MYBPC1: variants seen among roughly 807,000 people sequenced by gnomAD.
MYBPC1 encodes the protein myosin binding protein C1, also known as myosin-binding protein C, slow-type.
MYBPC1 carries 52 observed loss-of-function variants against 147.1 expected under a neutral mutation model. The ratio of observed to expected loss-of-function variants is 0.35; its 90% CI spans 0.28 to 0.45. MYBPC1 has a LOEUF of 0.45. Among genes scored for constraint, MYBPC1 ranks in the 20% least tolerant of loss-of-function variants. The pLI is 1.00. For synonymous variants in MYBPC1, 477 were observed against 475.9 expected (o/e 1.00, Z -0.03); for missense variants, 1,228 against 1,440.3 (o/e 0.85, Z 2.39).
chr12:101,620,910 T>A (rs1050843272), intron 3 of MYBPC1, among the ~76,000 whole-genome samples: 12 of 152,192 alleles, frequency 7.9e-5, no homozygotes, highest in Admixed American at 1.3e-4. Context: ...TTCCCAGGCA[T>A]TCACCACATA....
At chr12:101,604,649 A>G (rs1469903150) in intron 1 of MYBPC1, among the ~76,000 whole-genome samples, 2 of 152,224 alleles carry the variant, frequency 1.3e-5, no homozygotes, top group African/African-American at 2.4e-5. Flanking sequence ...GATATCAGTT[A>G]TTAGTAGCAT....
rs558077641 is a variant in MYBPC1, at chr12:101,642,430, A to C, written c.677A>C (p.Gln226Pro). Residue 226 changes from glutamine (Q) to proline (P), a missense_variant, in exon 11 of 32, where the codon CAG becomes CCG. Around this residue, in one of 2 missense-constraint regions of MYBPC1, gnomAD observed 1,077 missense variants for 1,314.2 expected, o/e 0.82. Coordinates refer to ENST00000361466, the MANE Select transcript of MYBPC1 (RefSeq NM_002465.4). ...SGLLKRREVK[Q>P]QEEEPQVDVW... ...TTCTCCCCGGTTAGGGAGGTGAAGC[A>C]GCAGGAGGAAGAACCCCAGGTGGAC... 2.5e-6 allele frequency: 4 copies of C among 1,614,166 alleles called. No individual in the cohort carries two copies. The East Asian group carries it at 8.9e-5, about 36-fold the overall frequency.
chr12:101,636,282 A>G (rs999675234), intron 9 of MYBPC1, among the ~76,000 whole-genome samples: 2 of 151,930 alleles, frequency 1.3e-5, no homozygotes, highest in Non-Finnish European at 2.9e-5. Context: ...TCTTACATGA[A>G]TAACAGAGAT....
In MYBPC1 at chr12:101,632,009, A is replaced by T. The variant is rs1473255478; in HGVS notation, c.439-12A>T. The T allele has an allele frequency of 6.3e-7, 1 of 1,587,376 alleles. No homozygotes were observed. Among genetic ancestry groups the T allele is most frequent in the Non-Finnish European group, 8.7e-7 (1 of 1,155,632 alleles). On this transcript the variant is annotated splice_polypyrimidine_tract_variant and intron_variant, in intron 7 of 31. Transcript: ENST00000361466. ...AACTGAAATGTGTGTGTCTGGATGC[A>T]TTTCATTGCAGGTGTACACATTTGA...
chr12:101,670,442 A>G, intron 24 of MYBPC1, 33 bp downstream of exon 24: 1 of 1,557,468 alleles, frequency 6.4e-7, no homozygotes, highest in Non-Finnish European at 8.9e-7. Context: ...TTTTCTCTTT[A>G]GAGGGCTGGA....
At chr12:101,597,004 G>T (rs1010966913) in intron 1 of MYBPC1, among the ~76,000 whole-genome samples, 10 of 152,204 alleles carry the variant, frequency 6.6e-5, no homozygotes, top group African/African-American at 2.2e-4. Flanking sequence ...GATTTTTTTG[G>T]TTCCCTTACC....
At chr12:101,615,923 C>T (rs901870756) in intron 2 of MYBPC1, among the ~76,000 whole-genome samples, 2 of 151,828 alleles carry the variant, frequency 1.3e-5, no homozygotes, top group African/African-American at 4.8e-5. Context: ...TTTCTTGAGA[C>T]AGGGTCTTGC....
chr12:101,690,029 G>A (rs140978608), downstream of MYBPC1, among the ~76,000 whole-genome samples: 18 of 152,322 alleles, frequency 1.2e-4, no homozygotes, highest in African/African-American at 3.8e-4. Context: ...ACAAAAATTA[G>A]CCAGGCGTGG....
chr12:101,595,869 C>A (rs1008774613), intron 1 of MYBPC1, among the ~76,000 whole-genome samples: 2 of 151,666 alleles, frequency 1.3e-5, no homozygotes, highest in African/African-American at 4.8e-5. Context: ...ATTAAAGCTA[C>A]CAATTGGTAA....
rs760354286 is a variant in MYBPC1, at chr12:101,651,295, C to T, written c.1428C>T (p.Cys476=). The T allele has an allele frequency of 6.2e-6, 10 of 1,613,970 alleles. No homozygotes were observed. The highest frequency in any genetic ancestry group is 8.5e-6 in the Non-Finnish European group (10 of 1,179,960). ...DQTVNLGKEI[C]LKCEISENIP... is the part of the protein sequence containing the mutation. ...CTGTAAATCTTGGAAAAGAAATCTG[C>T]CTGAAGTGTGAAATCTCTGAAAACA... Residue 476 remains cysteine (C), a synonymous_variant, in exon 16 of 32, where the codon TGC becomes TGT. Transcript: ENST00000361466.
At chr12:101,605,014 T>C (rs1881586330) in intron 1 of MYBPC1, among the ~76,000 whole-genome samples, 1 of 152,170 alleles carries the variant, frequency 6.6e-6, no homozygotes, top group South Asian at 2.1e-4. Flanking sequence ...CTTTCCCAAG[T>C]CCCAGGCCCT....
intron 2 of MYBPC1, 33 bp from the exon 3 acceptor site, chr12:101,617,169 A>C (rs1010548868): frequency 1.6e-5 from 25 of 1,612,430 alleles, no homozygotes; most frequent in Non-Finnish European, 1.8e-5. Context: ...GCTTTAAGGC[A>C]CTTTAAAAAA....
intron 22 of MYBPC1, 95 bp from the exon 23 acceptor site, chr12:101,667,637 T>A (rs1012062831): frequency 2.6e-5 from 37 of 1,406,762 alleles, no homozygotes; most frequent in Non-Finnish European, 3.6e-5. Context: ...TTATTATGAG[T>A]AAAATACTAA....
At chr12:101,694,844 T>G in the MYBPC1 span, among the ~76,000 whole-genome samples, 1 of 152,216 alleles carries the variant, frequency 6.6e-6, no homozygotes, top group Non-Finnish European at 1.5e-5. Context: ...TACTGCCATA[T>G]TAAACTTGCT....
At chr12:101,596,346 C>T (rs980843556) in intron 1 of MYBPC1, among the ~76,000 whole-genome samples, 1 of 152,160 alleles carries the variant, frequency 6.6e-6, no homozygotes, top group Non-Finnish European at 1.5e-5. Context: ...GAACTTAATC[C>T]TGACTGTCAG....
intron 3 of MYBPC1, among the ~76,000 whole-genome samples, chr12:101,618,878 T>A (rs947658891): frequency 2.0e-4 from 31 of 151,502 alleles, no homozygotes; most frequent in African/African-American, 7.3e-4. Flanking sequence ...TGTGTGTGTG[T>A]GTGTGTGTGT....
intron 3 of MYBPC1, among the ~76,000 whole-genome samples, chr12:101,626,498 T>C (rs1269994990): frequency 6.6e-6 from 1 of 152,196 alleles, no homozygotes; most frequent in Non-Finnish European, 1.5e-5. Flanking sequence ...GATATATGAA[T>C]AAGGTCTGCC....
chr12:101,653,165 G>A lies in MYBPC1; in HGVS notation c.1684G>A (p.Val562Met), dbSNP rs1440420570. The change falls in exon 18 of 32, where the codon GTG becomes ATG. Residue 562 changes from valine to methionine, a missense_variant. Physicochemically the swap from Val to Met is conservative, Grantham distance 21. Around this residue, in one of 2 missense-constraint regions of MYBPC1, gnomAD observed 1,077 missense variants for 1,314.2 expected, o/e 0.82. Transcript: ENST00000361466. ...TCTTGATGCTGACAACACAGTGACA[G>A]TGATTGCAGGAAACAAGCTTCGTCT... is the stretch of plus-strand genomic sequence containing the variant. ...DGLDADNTVT[V>M]IAGNKLRLEI... is the part of the protein sequence containing the mutation. 5.0e-6 allele frequency: 8 copies of A among 1,614,138 alleles called. No individual in the cohort carries two copies. Among genetic ancestry groups the A allele is most frequent in the Non-Finnish European group, 5.9e-6 (7 of 1,179,992 alleles).
intron 10 of MYBPC1, among the ~76,000 whole-genome samples, chr12:101,638,728 A>T (rs568604330): frequency 6.6e-6 from 1 of 152,370 alleles, no homozygotes; most frequent in East Asian, 1.9e-4. Context: ...ATTCCAGAAT[A>T]AAATAAATCT....
Sources: allele counts gnomAD v4.1 joint callset (sites outside exome capture counted in the v4.1 genomes callset), GRCh38; gene constraint gnomAD v4.1.1; regional missense constraint gnomAD v4.1.1; transcripts MANE v1.5; gene names NCBI Gene and HGNC (gene_info 2026-07-23, HGNC 2026-07-21).